LINGO2: variants seen among roughly 807,000 people sequenced by gnomAD.
LINGO2 encodes leucine-rich repeat and immunoglobulin-like domain-containing nogo receptor-interacting protein 2.
In LINGO2, 14 loss-of-function variants were observed where a neutral mutation model predicts 30.6. The observed-to-expected ratio is 0.46, with a 90% CI of 0.30 to 0.72. The LOEUF (loss-of-function observed/expected upper bound fraction) is 0.72. Ranked by LOEUF, LINGO2 falls within the 30% of genes least tolerant of loss-of-function variation. The pLI, the probability that LINGO2 is intolerant of heterozygous loss-of-function variation, is 0.07. For missense variants in LINGO2, 729 were observed against 751.7 expected, an observed-to-expected ratio of 0.97 and a Z score of 0.35; for synonymous variants, 317 against 288.5, an observed-to-expected ratio of 1.10 and a Z score of -1.00.
chr9:28,098,427 T>C (rs1826312870), intron 4 of LINGO2, among the ~76,000 whole-genome samples: 3 of 152,332 alleles, frequency 2.0e-5, no homozygotes, highest in African/African-American at 7.2e-5. Context: ...TAACATGTCA[T>C]ATTTCTTTGT....
At chr9:28,043,414 T>C (rs1563938247) in intron 4 of LINGO2, among the ~76,000 whole-genome samples, 1 of 152,116 alleles carries the variant, frequency 6.6e-6, no homozygotes, top group African/African-American at 2.4e-5. Context: ...ATCTGACAAG[T>C]GTAGTATGTA....
At chr9:29,108,190 T>C in the LINGO2 span, among the ~76,000 whole-genome samples, 1 of 152,130 alleles carries the variant, frequency 6.6e-6, no homozygotes, top group Non-Finnish European at 1.5e-5. Context: ...TTTCATTGCT[T>C]AATTGGGAGA....
intron 1 of LINGO2, among the ~76,000 whole-genome samples, chr9:28,632,845 A>C (rs1001522940): frequency 1.3e-5 from 1 of 74,126 alleles, no homozygotes; most frequent in African/African-American, 6.3e-5. Flanking sequence ...ATATAAATCT[A>C]TATATATTTT....
chr9:28,128,020 T>G (rs935977704), intron 4 of LINGO2, among the ~76,000 whole-genome samples: 15 of 152,224 alleles, frequency 9.9e-5, no homozygotes, highest in African/African-American at 3.6e-4. Flanking sequence ...GCAGTTATTT[T>G]TCTGTCCCAA....
the LINGO2 span, among the ~76,000 whole-genome samples, chr9:29,207,108 A>G: frequency 6.6e-6 from 1 of 151,668 alleles, no homozygotes; most frequent in Non-Finnish European, 1.5e-5. Context: ...CTATGTATGC[A>G]TATGCTGTCT....
intron 1 of LINGO2, among the ~76,000 whole-genome samples, chr9:28,615,895 A>G (rs1014327925): frequency 9.9e-5 from 15 of 152,190 alleles, no homozygotes; most frequent in South Asian, 2.1e-4. Flanking sequence ...GGAGAGTAAA[A>G]AAAGCAGGCA....
rs1386608171 is a variant in LINGO2 at position 28,148,872 on chromosome 9, G to A, written c.-86-136467C>T. The A allele has an allele frequency of 1.3e-6, 2 of 1,533,670 alleles. No homozygotes were observed. Among genetic ancestry groups the A allele is most frequent in the East Asian group, 2.4e-5 (1 of 40,910 alleles). On this transcript the variant is annotated intron_variant, in intron 4 of 5. Transcript: ENST00000379992. The surrounding 1 kb of genome is among the most constrained non-coding windows in gnomAD (Gnocchi z 5.1). ...AGCTCTCCAGGCTTGCTGATGGTGG[G>A]GGAGGACATGCAGCCCAAGGATCCT...
In LINGO2 at chr9:27,983,258, G is replaced by C. The variant is rs183712455; in HGVS notation, c.-36+29097C>G. On this transcript the variant is annotated intron_variant, in intron 5 of 5. Coordinates refer to ENST00000379992, the Ensembl canonical transcript of LINGO2. ...ACATAAAAAGCATTAGTTAATAGTA[G>C]AGATGTTACTGCCATCAAGACAATG... Among the ~76,000 whole-genome samples the C allele has an allele frequency of 4.2e-4, 64 of 151,982 alleles. 2 individuals are homozygous for C. Among genetic ancestry groups the C allele is most frequent in the Admixed American group, 3.5e-3 (53 of 15,224 alleles).
rs147590106 is a variant in LINGO2, at chr9:28,342,814, T to G, written c.-246+30022A>C. ...CTTTTTTCTCCTTTAGTAAAAGGAA[T>G]GACCAGAATGAAGACATTCTGTTAA... On this transcript the variant is annotated intron_variant, in intron 3 of 5. Transcript: ENST00000379992. 7.5e-3 allele frequency among the ~76,000 whole-genome samples: 1,148 copies of G among 152,222 alleles called. 71 individuals carry two copies. The East Asian group carries it at 0.14, about 19-fold the overall frequency.
chr9:28,193,910 C>T (rs954794963), intron 4 of LINGO2, among the ~76,000 whole-genome samples: 3 of 152,182 alleles, frequency 2.0e-5, no homozygotes, highest in Non-Finnish European at 4.4e-5. Flanking sequence ...GAGGGACAGT[C>T]TCCAGGCAGT....
chr9:28,981,467 A>G, the LINGO2 span, among the ~76,000 whole-genome samples: 1 of 152,114 alleles, frequency 6.6e-6, no homozygotes, highest in Admixed American at 6.6e-5. Context: ...TTAAAGCCAT[A>G]TCATTCTGAC....
intron 3 of LINGO2, among the ~76,000 whole-genome samples, chr9:28,309,748 G>A (rs1824534663): frequency 6.6e-6 from 1 of 151,408 alleles, no homozygotes; most frequent in South Asian, 2.1e-4. Flanking sequence ...CAAACCAGGG[G>A]AAAATATATG....
At chr9:29,001,426 G>C in the LINGO2 span, among the ~76,000 whole-genome samples, 12 of 151,892 alleles carry the variant, frequency 7.9e-5, no homozygotes, top group African/African-American at 2.9e-4. Flanking sequence ...TAAACAAAAA[G>C]AAGTGTACCA....
chr9:28,847,871 A>G, the LINGO2 span, among the ~76,000 whole-genome samples: 718 of 123,274 alleles, frequency 5.8e-3, 53 homozygotes, highest in African/African-American at 0.022. Flanking sequence ...CTATATACAT[A>G]TACAGTATAT....
At chr9:28,734,905 T>C in the LINGO2 span, among the ~76,000 whole-genome samples, 1 of 152,196 alleles carries the variant, frequency 6.6e-6, no homozygotes, top group Non-Finnish European at 1.5e-5. Context: ...TATATGCTTC[T>C]TTTTTGTAGA....
the LINGO2 span, among the ~76,000 whole-genome samples, chr9:29,039,811 A>C: frequency 6.6e-6 from 1 of 152,170 alleles, no homozygotes; most frequent in Non-Finnish European, 1.5e-5. Context: ...GGTAATAGCC[A>C]GTGAACAAAG....
chr9:29,139,225 G>C, the LINGO2 span, among the ~76,000 whole-genome samples: 1 of 152,094 alleles, frequency 6.6e-6, no homozygotes, highest in South Asian at 2.1e-4. Context: ...TCATTCCCTA[G>C]ACAAGCCTTG....
At chr9:29,081,157 C>T in the LINGO2 span, among the ~76,000 whole-genome samples, 3 of 152,058 alleles carry the variant, frequency 2.0e-5, no homozygotes, top group African/African-American at 7.2e-5. Flanking sequence ...CCCTGATGAA[C>T]ATCGATGCAA....
intron 4 of LINGO2, among the ~76,000 whole-genome samples, chr9:28,222,542 T>G (rs1191694602): frequency 2.0e-5 from 3 of 150,810 alleles, no homozygotes; most frequent in African/African-American, 7.3e-5. Flanking sequence ...AAAAAAAAAG[T>G]CAGCATTACC....
Sources: gnomAD v4.1 joint callset for allele counts (sites outside exome capture counted in the v4.1 genomes callset) on GRCh38, gnomAD v4.1.1 for gene constraint, Gnocchi (gnomAD v3.1) non-coding constraint, MANE v1.5 for transcripts, NCBI Gene and HGNC (gene_info 2026-07-23, HGNC 2026-07-21) for gene names.